Variants in TASOR2 observed in about 807,000 individuals in gnomAD.
TASOR2 encodes transcription activation suppressor family member 2.
Under a neutral mutation model 199.5 loss-of-function variants are expected in TASOR2, and 84 were observed. The ratio of observed to expected loss-of-function variants is 0.42; its 90% CI spans 0.35 to 0.50. The LOEUF (loss-of-function observed/expected upper bound fraction) is 0.50, where lower values mean the gene tolerates loss of function less well. Ranked by LOEUF, TASOR2 falls within the 20% of genes least tolerant of loss-of-function variation. The pLI is 0.02. For synonymous variants in TASOR2, 1,103 were observed against 1,046.6 expected (o/e 1.05, Z -1.04); for missense variants, 2,796 against 2,835.9 (o/e 0.99, Z 0.32).
exon 11 of TASOR2, chr10:5,731,131 G>A (rs1206669009): frequency 1.2e-6 from 2 of 1,612,400 alleles, no homozygotes; most frequent in Non-Finnish European, 8.5e-7. Flanking sequence ...TGCTTCCAGA[G>A]CAGACAACAG....
At chr10:5,715,221 C>CT (rs58686940) in intron 2 of TASOR2, among the ~76,000 whole-genome samples, 2,132 of 85,914 alleles carry the variant, frequency 0.025, 13 homozygotes, top group Middle Eastern at 0.072. Context: ...TCCTGCTGAC[C>CT]TTTTTTTTTT....
Position 5,748,591 on chromosome 10 carries a change from A to C in TASOR2, c.5170A>C (p.Lys1724Gln), listed in dbSNP as rs1487392248. The stretch of plus-strand genomic sequence containing the variant: ...TCAGTCCAACACCACATCTTCTCTA[A>C]AAGGTGAACGCAAAGCCATCCACAC... Residue 1724 changes from lysine (K) to glutamine (Q), a missense_variant, in exon 15 of 21, where the codon AAA becomes CAA. Around this residue, in one of 3 missense-constraint regions of TASOR2, gnomAD observed 1,941 missense variants for 1,924.9 expected, o/e 1.01. Coordinates refer to ENST00000328090, the Ensembl canonical transcript of TASOR2. The surrounding 1 kb of genome is among the most constrained non-coding windows in gnomAD (Gnocchi z 5.1). 6.2e-7 allele frequency: 1 copy of C among 1,613,868 alleles called. No individual in the cohort carries two copies. The highest frequency in any genetic ancestry group is 2.2e-5 in the East Asian group (1 of 44,894).
At chr10:5,717,790 GTT>G in intron 3 of TASOR2, 40 bp downstream of exon 4, 1 of 798,698 alleles carries the variant, frequency 1.3e-6, no homozygotes, top group Non-Finnish European at 1.7e-6. Flanking sequence ...TCCTTTTAAA[GTT>G]TAAGGTTATC....
chr10:5,747,365 A>T, exon 15 of TASOR2: 1 of 1,614,160 alleles, frequency 6.2e-7, no homozygotes, highest in Non-Finnish European at 8.5e-7. Context: ...TCAAATTTAG[A>T]ACTTCAGGAT....
chr10:5,733,966 A>ATT lies in TASOR2; in HGVS notation c.1205-1337_1205-1336dup, dbSNP rs377279641. 2.5e-3 allele frequency among the ~76,000 whole-genome samples: 382 copies of ATT among 152,322 alleles called. 2 individuals are homozygous for ATT. Among genetic ancestry groups the ATT allele is most frequent in the African/African-American group, 8.8e-3 (364 of 41,576 alleles). The stretch of plus-strand genomic sequence containing the variant: ...ATATTCTGAAAACATTTTTAAAACT[A>ATT]TTCATTTCGCTAACCCCCAAAAGAA... On this transcript the variant is annotated intron_variant, in intron 11 of 20. Coordinates refer to ENST00000328090, the Ensembl canonical transcript of TASOR2.
In TASOR2 at chr10:5,740,611, T is replaced by C; in HGVS notation, c.2327+114T>C. 2 of 1,108,228 alleles carry C rather than the reference T, an allele frequency of 1.8e-6. No individual in the cohort carries two copies. Among genetic ancestry groups the C allele is most frequent in the Non-Finnish European group, 2.5e-6 (2 of 787,868 alleles). 68.6% of individuals were successfully genotyped at this position (1,108,228 alleles called of 1,614,324 possible). A position where few individuals can be genotyped will look rare whatever the true frequency, so the allele number is the denominator to read the frequency against. ...GAGAAGGAGAAAGAAGTGTTGTGTT[T>C]AAAACCAGTAATTTGATAATAACAT... On this transcript the variant is annotated intron_variant, in intron 13 of 20. Transcript: ENST00000328090. This position sits in a 1 kb window ranked among gnomAD's most constrained non-coding sequence, Gnocchi z 5.3.
chr10:5,718,345 T>A (rs544180039), intron 3 of TASOR2, among the ~76,000 whole-genome samples: 3 of 148,868 alleles, frequency 2.0e-5, no homozygotes, highest in Non-Finnish European at 4.4e-5. Context: ...GCTTTGTTAC[T>A]ATCTTAAATT....
At chr10:5,694,476 C>T (rs1836900103) in intron 1 of TASOR2, among the ~76,000 whole-genome samples, 1 of 152,006 alleles carries the variant, frequency 6.6e-6, no homozygotes, top group Non-Finnish European at 1.5e-5. Context: ...GGTTGGAGGA[C>T]AATCAGATAA....
Position 5,690,920 on chromosome 10 carries a change from C to T in TASOR2, c.-288+5745C>T, listed in dbSNP as rs922835715. On this transcript the variant is annotated intron_variant, in intron 1 of 20. Coordinates refer to ENST00000328090, the Ensembl canonical transcript of TASOR2. The surrounding 1 kb of genome is among the most constrained non-coding windows in gnomAD (Gnocchi z 4.8). ...AATTATATGACCTTGAGGCTGGGCG[C>T]GGTGGCTCATGCCTGTAATCCCAGC... Among the ~76,000 whole-genome samples, 2 of 152,020 alleles carry T rather than the reference C, an allele frequency of 1.3e-5. No homozygotes were observed. Among genetic ancestry groups the T allele is most frequent in the Admixed American group, 6.6e-5 (1 of 15,262 alleles).
Position 5,740,012 on chromosome 10 carries a change from C to G in TASOR2, c.1842C>G (p.Ser614Arg). The change falls in exon 13 of 21, where the codon AGC becomes AGG. Residue 614 changes from serine (S) to arginine (R), a missense_variant. By Grantham distance (110) the Ser-to-Arg change is moderately radical. Transcript: ENST00000328090. The surrounding 1 kb of genome is among the most constrained non-coding windows in gnomAD (Gnocchi z 5.3). ...ATTCTGGATCAGACTTAACAGTTAG[C>G]CAAGATGAAGAAAGCTTGGTTCCTT... 1 of 1,614,086 alleles carries G rather than the reference C, an allele frequency of 6.2e-7. No homozygotes were observed. The highest frequency in any genetic ancestry group is 1.6e-4 in the Middle Eastern group (1 of 6,062).
At position 5,685,662 on chromosome 10, in the gene TASOR2, G is replaced by T. The variant is rs892565234; in HGVS notation, c.-288+487G>T. Among the ~76,000 whole-genome samples the T allele has an allele frequency of 2.0e-5, 3 of 152,210 alleles. No individual in the cohort carries two copies. The highest frequency in any genetic ancestry group is 7.2e-5 in the African/African-American group (3 of 41,452). Reference sequence around the variant, plus strand: ...AGGGAGGGTCATTTCAGCAGCAAGCGCAAGCCGCGTTGGGATAACTTGGTG... The same window carrying T: ...AGGGAGGGTCATTTCAGCAGCAAGCTCAAGCCGCGTTGGGATAACTTGGTG... On this transcript the variant is annotated intron_variant, in intron 1 of 20. Transcript: ENST00000328090. This position sits in a 1 kb window ranked among gnomAD's most constrained non-coding sequence, Gnocchi z 5.4.
Position 5,740,505 on chromosome 10 carries a change from T to G in TASOR2, c.2327+8T>G. On this transcript the variant is annotated splice_region_variant and intron_variant, in intron 13 of 20. Coordinates refer to ENST00000328090, the Ensembl canonical transcript of TASOR2. This position sits in a 1 kb window ranked among gnomAD's most constrained non-coding sequence, Gnocchi z 5.3. ...AGTAAGAGCATTACATGGGTGAGTA[T>G]GAGTGAAACTTAGTGAAAATGGATG... 1 of 1,599,542 alleles carries G rather than the reference T, an allele frequency of 6.3e-7. No homozygotes were observed. The highest frequency in any genetic ancestry group is 8.5e-7 in the Non-Finnish European group (1 of 1,173,824).
At position 5,749,247 on chromosome 10, in the gene TASOR2, C is replaced by T. The variant is rs376566499; in HGVS notation, c.5826C>T (p.His1942=). The change falls in exon 15 of 21, where the codon CAC becomes CAT. Residue 1942 remains histidine (H), a synonymous_variant. Coordinates refer to ENST00000328090, the Ensembl canonical transcript of TASOR2. Reference sequence around the variant, plus strand: ...TCAAAGATACCATGAGAACTTCACACGGCCTGAGGAGGCACCCGAGTTTCA... The same window carrying T: ...TCAAAGATACCATGAGAACTTCACATGGCCTGAGGAGGCACCCGAGTTTCA... 35 of 1,614,188 alleles carry T rather than the reference C, an allele frequency of 2.2e-5. No individual in the cohort carries two copies. The South Asian group carries it at 3.3e-4, about 15-fold the overall frequency.
rs762451996 is a variant in TASOR2 at position 5,738,603 on chromosome 10, TGTC to T, written c.1448-1012_1448-1010del. Among the ~76,000 whole-genome samples, 11 of 152,206 alleles carry T rather than the reference TGTC, an allele frequency of 7.2e-5. No homozygotes were observed. The highest frequency in any genetic ancestry group is 1.3e-4 in the Non-Finnish European group (9 of 68,036). On this transcript the variant is annotated intron_variant, in intron 12 of 20. Transcript: ENST00000328090. The surrounding 1 kb of genome is among the most constrained non-coding windows in gnomAD (Gnocchi z 4.7). Reference sequence around the variant, plus strand: ...CTTTCCCCATGTATGTGCATGCCCTTGTCGTTCTAATTGATGACATCATAGGCT... The same window carrying T: ...CTTTCCCCATGTATGTGCATGCCCTTGTTCTAATTGATGACATCATAGGCT...
At chr10:5,753,024 T>TC in intron 15 of TASOR2, among the ~76,000 whole-genome samples, 1 of 152,372 alleles carries the variant, frequency 6.6e-6, no homozygotes, top group Middle Eastern at 3.4e-3. Flanking sequence ...GGTTTTTTTT[T>TC]CAAGTGAAGC....
chr10:5,721,131 G>A (rs1369524163), intron 6 of TASOR2, among the ~76,000 whole-genome samples, 161 bp downstream of exon 7: 1 of 152,126 alleles, frequency 6.6e-6, no homozygotes, highest in African/African-American at 2.4e-5. Flanking sequence ...CACAGGGTAT[G>A]ACATAGTAAA....
At chr10:5,702,634 CATTTT>C (rs1838016950) in intron 1 of TASOR2, among the ~76,000 whole-genome samples, 3 of 96,286 alleles carry the variant, frequency 3.1e-5, no homozygotes, top group Non-Finnish European at 3.9e-5. Context: ...CTAAAATGGT[CATTTT>C]TTTTTTTTTT....
Position 5,748,006 on chromosome 10 carries a change from G to T in TASOR2, c.4585G>T (p.Ala1529Ser). 1 of 1,461,402 alleles carries T rather than the reference G, an allele frequency of 6.8e-7. No homozygotes were observed. 90.5% of individuals were successfully genotyped at this position (1,461,402 alleles called of 1,614,324 possible). Residue 1529 changes from alanine (A) to serine (S), a missense_variant, in exon 15 of 21, where the codon GCC (alanine) becomes TCC (serine). Physicochemically the swap from Ala to Ser is moderately conservative, Grantham distance 99. Around this residue, in one of 3 missense-constraint regions of TASOR2, gnomAD observed 1,941 missense variants for 1,924.9 expected, o/e 1.01. Transcript: ENST00000328090. The surrounding 1 kb of genome is among the most constrained non-coding windows in gnomAD (Gnocchi z 5.1). Reference sequence around the variant, plus strand: ...CTATGGTAGGGAGTTAAACCAGCCTGCCTCAGCTGCCAAATGCACAGGTGA... The same window carrying T: ...CTATGGTAGGGAGTTAAACCAGCCTTCCTCAGCTGCCAAATGCACAGGTGA...
intron 1 of TASOR2, among the ~76,000 whole-genome samples, chr10:5,695,972 C>G (rs144113253): frequency 6.6e-6 from 1 of 152,094 alleles, no homozygotes; most frequent in Non-Finnish European, 1.5e-5. Context: ...AACCCCTTCT[C>G]CACTCCCACA....
Sources: allele counts gnomAD v4.1 joint callset (sites outside exome capture counted in the v4.1 genomes callset), GRCh38; gene constraint gnomAD v4.1.1; regional missense constraint gnomAD v4.1.1; non-coding constraint Gnocchi (gnomAD v3.1); transcripts MANE v1.5; gene names NCBI Gene and HGNC (gene_info 2026-07-23, HGNC 2026-07-21).